The following UVSSA variants were observed in gnomAD, a reference collection of about 807,000 sequenced individuals.
The protein encoded by UVSSA is UV stimulated scaffold protein A.
UVSSA carries 72 observed loss-of-function variants against 73.9 expected under a neutral mutation model. That is an observed-to-expected ratio of 0.97 (90% CI 0.81 to 1.19). The LOEUF is 1.19. Ranked by LOEUF, UVSSA falls within the 50% of genes most tolerant of loss-of-function variation. The pLI is 0.00. For missense variants in UVSSA, 1,150 were observed against 965.0 expected (o/e 1.19, Z -2.54); for synonymous variants, 454 against 391.3 (o/e 1.16, Z -1.89).
chr4:1,391,050 T>G (rs1720399926), downstream of UVSSA: 1 of 153,146 alleles, frequency 6.5e-6, no homozygotes, highest in Non-Finnish European at 1.4e-5. Context: ...GTTTGTAGTG[T>G]TGTATAGATG....
Position 1,378,456 on chromosome 4 carries a change from C to A in UVSSA, c.1569-1591C>A, listed in dbSNP as rs541910452. Among the ~76,000 whole-genome samples the A allele has an allele frequency of 2.0e-5, 3 of 152,232 alleles. No homozygotes were observed. In the East Asian group the frequency reaches 5.8e-4, roughly 29 times the overall value. On this transcript the variant is annotated intron_variant, in intron 10 of 13. Transcript: ENST00000389851. ...TAATCCCAGCTACTCGAGACTGAGG[C>A]GGGAGAATCGCTTGAACCCAGGAGG...
chr4:1,353,541 TCAC>T, intron 5 of UVSSA, 128 bp downstream of exon 5: 1 of 1,283,688 alleles, frequency 7.8e-7, no homozygotes. Context: ...AGGTCAGGGG[TCAC>T]CACCAGGTTT....
intron 8 of UVSSA, among the ~76,000 whole-genome samples, chr4:1,371,736 A>G (rs1018386472): frequency 6.6e-6 from 1 of 152,234 alleles, no homozygotes; most frequent in Admixed American, 6.5e-5. Flanking sequence ...TCACGGGGAC[A>G]GCACGGGGAA....
intron 12 of UVSSA, among the ~76,000 whole-genome samples, chr4:1,381,686 C>G (rs915419259): frequency 4.6e-5 from 6 of 131,764 alleles, no homozygotes; most frequent in African/African-American, 1.7e-4. Flanking sequence ...TTTGATTTGG[C>G]TTTTTTTTTT....
At chr4:1,352,664 G>A (rs1176068908) in intron 4 of UVSSA, among the ~76,000 whole-genome samples, 1 of 152,244 alleles carries the variant, frequency 6.6e-6, no homozygotes, top group East Asian at 1.9e-4. Context: ...AAAAAGTGCA[G>A]CACACGACTG....
chr4:1,391,955 A>G (rs1720423528), downstream of UVSSA: 1 of 152,192 alleles, frequency 6.6e-6, no homozygotes, highest in African/African-American at 2.4e-5. Flanking sequence ...TTGGATTTGT[A>G]TCTGCCATTT....
Position 1,383,749 on chromosome 4 carries a change from T to C in UVSSA, c.1862-17T>C. 6.2e-7 allele frequency: 1 copy of C among 1,612,688 alleles called. No individual in the cohort carries two copies. Among genetic ancestry groups the C allele is most frequent in the Non-Finnish European group, 8.5e-7 (1 of 1,179,940 alleles). On this transcript the variant is annotated splice_polypyrimidine_tract_variant and intron_variant, in intron 12 of 13. Transcript: ENST00000389851. ...CAGTGCCAGACGTCTCCTGAAGTGCTTGAGTTTTGTTTGCAGAATGGCAGG... is the reference window on the plus strand; with the variant it reads ...CAGTGCCAGACGTCTCCTGAAGTGCCTGAGTTTTGTTTGCAGAATGGCAGG...
In UVSSA at chr4:1,394,980, C is replaced by T. The variant is rs375096873; in HGVS notation, c.*9019C>T. 2 of 1,586,150 alleles carry T rather than the reference C, an allele frequency of 1.3e-6. No homozygotes were observed. The highest frequency in any genetic ancestry group is 3.4e-5 in the Admixed American group (2 of 58,240). On this transcript the variant is annotated 3_prime_UTR_variant, in exon 14 of 14. Coordinates refer to the UVSSA transcript ENST00000511216. ...CTCACACGTGCCCATGCGGAGTGCC[C>T]GCCTGCTCACACGTGCCGACGTGGA...
At chr4:1,345,707 G>A (rs977334201), upstream of UVSSA, among the ~76,000 whole-genome samples, 1 of 150,922 alleles carries the variant, frequency 6.6e-6, no homozygotes, top group Non-Finnish European at 1.5e-5. Context: ...ACAGAGGGCA[G>A]TGGACGGGCA....
Position 1,353,161 on chromosome 4 carries a change from C to T in UVSSA, c.682C>T (p.Arg228Cys), listed in dbSNP as rs148799777. Residue 228 changes from arginine to cysteine, a missense_variant, in exon 5 of 14, where the codon CGC becomes TGC. Physicochemically the swap from Arg to Cys is radical, Grantham distance 180 (BLOSUM62 -3). Coordinates refer to ENST00000389851, the MANE Select transcript of UVSSA (RefSeq NM_020894.4). ...GGCTTCTGGCATGTCCGATGCCCTTCGCTCCTCCTGCGCGGGCCAGGTGGG... is the reference window on the plus strand; with the variant it reads ...GGCTTCTGGCATGTCCGATGCCCTTTGCTCCTCCTGCGCGGGCCAGGTGGG... ...GMASGMSDAL[R>C]SSCAGQVGPC... 8.0e-5 allele frequency: 129 copies of T among 1,612,996 alleles called. 1 individual carries two copies. The highest frequency in any genetic ancestry group is 6.5e-4 in the East Asian group (29 of 44,886).
At chr4:1,352,008 G>A (rs1395682766) in intron 4 of UVSSA, among the ~76,000 whole-genome samples, 173 bp downstream of exon 4, 1 of 152,240 alleles carries the variant, frequency 6.6e-6, no homozygotes, top group East Asian at 1.9e-4. Context: ...GGCCTCCCAG[G>A]CTGTCCATGC....
At chr4:1,380,279 G>T (rs749292788) in intron 11 of UVSSA, 49 bp downstream of exon 11, 10 of 1,574,494 alleles carry the variant, frequency 6.4e-6, no homozygotes, top group Non-Finnish European at 8.6e-6. Flanking sequence ...GGACCAGGTG[G>T]GGCAGCCAGA....
rs201086180 is a variant in UVSSA, at chr4:1,376,204, A to G, written c.1568+36A>G. 569 of 1,583,432 alleles carry G rather than the reference A, an allele frequency of 3.6e-4. 3 individuals are homozygous for G. The highest frequency in any genetic ancestry group is 1.4e-3 in the South Asian group (121 of 87,646). ...ATGTGTCTGAAGTCGGCCAGGGCAC[A>G]CAACCAGGGTCCCAGCCTGAGGAGG... On this transcript the variant is annotated intron_variant, in intron 10 of 13. Transcript: ENST00000389851.
intron 7 of UVSSA, among the ~76,000 whole-genome samples, chr4:1,363,540 C>T (rs1716930070): frequency 3.9e-5 from 6 of 152,182 alleles, no homozygotes; most frequent in Admixed American, 3.9e-4. Context: ...TCCACATCTA[C>T]CTTTTAGAAA....
At position 1,395,630 on chromosome 4, in the gene UVSSA, G is replaced by T. The variant is rs141444125; in HGVS notation, c.*9669G>T. 3 of 1,595,118 alleles carry T rather than the reference G, an allele frequency of 1.9e-6. No individual in the cohort carries two copies. The South Asian group carries it at 3.4e-5, about 18-fold the overall frequency. On this transcript the variant is annotated 3_prime_UTR_variant, in exon 14 of 14. Transcript: ENST00000511216. ...ACACACGTGCCCATGTGGAGTGCCC[G>T]CCTGCTCACACGTGCCCATGTGGAG...
In UVSSA at chr4:1,375,455, G is replaced by A. The variant is rs1057057610; in HGVS notation, c.1380G>A (p.Ala460=). The A allele has an allele frequency of 7.4e-6, 12 of 1,612,938 alleles. No homozygotes were observed. The highest frequency in any genetic ancestry group is 9.3e-6 in the Non-Finnish European group (11 of 1,179,998). Residue 460 remains alanine, a synonymous_variant, in exon 9 of 14, where the codon GCG becomes GCA. Coordinates refer to ENST00000389851, the MANE Select transcript of UVSSA (RefSeq NM_020894.4). The part of the protein sequence containing the change: ...MDEEVSDPTS[A]AAQLRQLRDH... ...AGGAGGTGTCGGACCCCACCTCTGC[G>A]GCTGCTCAGCTGCGGCAGCTCCGGG...
chr4:1,358,472 C>G (rs1452893058), intron 7 of UVSSA: 1 of 152,272 alleles, frequency 6.6e-6, no homozygotes, highest in Non-Finnish European at 1.5e-5. Flanking sequence ...TTTTAAAGCA[C>G]CGTTCTGAAG....
intron 11 of UVSSA, 133 bp from the exon 12 acceptor site, chr4:1,380,747 G>A (rs749174458): frequency 4.5e-6 from 7 of 1,564,072 alleles, no homozygotes; most frequent in Non-Finnish European, 5.2e-6. Flanking sequence ...CGTGATTCCA[G>A]GTTGTGTACA....
rs760651696 is a variant in UVSSA, at chr4:1,349,562, T to G, written c.137T>G (p.Leu46Arg). 1 of 1,613,960 alleles carries G rather than the reference T, an allele frequency of 6.2e-7. No individual in the cohort carries two copies. The highest frequency in any genetic ancestry group is 8.5e-7 in the Non-Finnish European group (1 of 1,179,998). The change falls in exon 3 of 14, where the codon CTG (leucine) becomes CGG (arginine). Residue 46 changes from leucine to arginine, a missense_variant. Leu to Arg is a moderately radical substitution (Grantham distance 102). Transcript: ENST00000389851. ...CAGCTGAGCCGCGCCTACCGCCTGC[T>G]GATAGCACAGCTGACCCAGGAGCAC... ...EEQLSRAYRL[L>R]IAQLTQEHAE...
Sources: gnomAD v4.1 joint callset for allele counts (sites outside exome capture counted in the v4.1 genomes callset) on GRCh38, gnomAD v4.1.1 for gene constraint, MANE v1.5 for transcripts, NCBI Gene and HGNC (gene_info 2026-07-23, HGNC 2026-07-21) for gene names.